The following ASB10 variants were observed in gnomAD, a reference collection of about 807,000 sequenced individuals.
ASB10 encodes ankyrin repeat and SOCS box protein 10.
Under a neutral mutation model 35.4 loss-of-function variants are expected in ASB10, and 44 were observed. The ratio of observed to expected loss-of-function variants is 1.24; its 90% CI spans 0.98 to 1.60. ASB10 has a LOEUF of 1.60. Among genes scored for constraint, ASB10 ranks in the 40% most tolerant of loss-of-function variants. ASB10 has a pLI of 0.00. For synonymous variants in ASB10, 294 were observed against 280.4 expected (o/e 1.05, Z -0.49); for missense variants, 647 against 634.3 (o/e 1.02, Z -0.22).
chr7:151,178,124 C>CT (rs1801422911), intron 3 of ASB10, among the ~76,000 whole-genome samples: 1 of 152,316 alleles, frequency 6.6e-6, no homozygotes, highest in Middle Eastern at 3.4e-3. Flanking sequence ...TGGCATGCAC[C>CT]TTTAATCCCA....
At chr7:151,187,379 G>A (rs1801621538), upstream of ASB10, 1 of 1,545,288 alleles carries the variant, frequency 6.5e-7, no homozygotes. The surrounding 1 kb of genome is among the most constrained non-coding windows in gnomAD (Gnocchi z 5.3). Flanking sequence ...TTTCACTCAA[G>A]CCCTTAGGAC....
intron 1 of ASB10, 55 bp downstream of exon 1, chr7:151,186,760 C>T (rs1344699561): frequency 2.0e-6 from 3 of 1,533,624 alleles, no homozygotes; most frequent in Admixed American, 2.0e-5. Flanking sequence ...GCCCAGAGCT[C>T]CATCTGCAGC....
At chr7:151,184,365 A>C (rs1425867239) in intron 2 of ASB10, among the ~76,000 whole-genome samples, 1 of 151,602 alleles carries the variant, frequency 6.6e-6, no homozygotes, top group Non-Finnish European at 1.5e-5. Flanking sequence ...GTGAGCCGAT[A>C]TCACGCCACT....
At chr7:151,181,715 C>A (rs191988673) in intron 2 of ASB10, among the ~76,000 whole-genome samples, 11 of 151,658 alleles carry the variant, frequency 7.3e-5, no homozygotes, top group African/African-American at 2.2e-4. Flanking sequence ...CGGGTTCAAG[C>A]GATTCTCCTG....
chr7:151,180,572 C>T (rs1055395149), intron 3 of ASB10, among the ~76,000 whole-genome samples: 5 of 152,158 alleles, frequency 3.3e-5, no homozygotes, highest in Admixed American at 6.5e-5. Context: ...TTAAACAACG[C>T]CCACCACCCA....
intron 3 of ASB10, among the ~76,000 whole-genome samples, chr7:151,177,677 G>A (rs1283305770): frequency 6.6e-6 from 1 of 152,208 alleles, no homozygotes. Context: ...AGAGCCTGGA[G>A]GGTATTCAGG....
In ASB10 at chr7:151,186,410, C is replaced by T. The variant is rs889566543; in HGVS notation, c.566G>A (p.Arg189Gln). 27 of 1,586,888 alleles carry T rather than the reference C, an allele frequency of 1.7e-5. No homozygotes were observed. The highest frequency in any genetic ancestry group is 3.4e-5 in the South Asian group (3 of 87,056). Reference protein sequence around the residue: ...QDGKRPLHLCRGPGTLECAEL... With the variant: ...QDGKRPLHLCQGPGTLECAEL... ...CACTCACTCAAGGGTGCCAGGCCCC[C>T]GGCAGAGATGCAGGGGGCGTTTCCC... The change falls in exon 2 of 6, where the codon CGG becomes CAG. Residue 189 changes from arginine to glutamine, a missense_variant. Coordinates refer to ENST00000420175, the MANE Select transcript of ASB10 (RefSeq NM_001142459.2).
At position 151,186,798 on chromosome 7, in the gene ASB10, A is replaced by G. The variant is rs771132264; in HGVS notation, c.316+17T>C. 1.3e-5 allele frequency: 20 copies of G among 1,562,516 alleles called. No homozygotes were observed. The East Asian group carries it at 4.1e-4, about 32-fold the overall frequency. ...CCCCTCTCTCCCACTGAGAGCCCCCAGTGCCCCGGCCCGTACTCAGAGCAC... is the reference window on the plus strand; with the variant it reads ...CCCCTCTCTCCCACTGAGAGCCCCCGGTGCCCCGGCCCGTACTCAGAGCAC... On this transcript the variant is annotated intron_variant, in intron 1 of 5. Transcript: ENST00000420175.
Position 151,187,239 on chromosome 7 carries a change from C to T in ASB10, c.-109G>A, listed in dbSNP as rs746224681. 2.3e-5 allele frequency: 35 copies of T among 1,526,328 alleles called. No individual in the cohort carries two copies. The highest frequency in any genetic ancestry group is 6.3e-5 in the South Asian group (5 of 78,852). 94.5% of individuals were successfully genotyped at this position (1,526,328 alleles called of 1,614,324 possible). A position where few individuals can be genotyped will look rare whatever the true frequency, so the allele number is the denominator to read the frequency against. On this transcript the variant is annotated 5_prime_UTR_variant, in exon 1 of 6. The change creates a new upstream start codon in the 5' untranslated region. Transcript: ENST00000420175. The surrounding 1 kb of genome is among the most constrained non-coding windows in gnomAD (Gnocchi z 5.3). ...ACAGACAGAAGGCCCCTGTGTCCCA[C>T]GCTCCGAGGCTGACCTGGCCACGCA...
chr7:151,184,635 A>G (rs1005733182), intron 2 of ASB10, among the ~76,000 whole-genome samples: 2 of 152,094 alleles, frequency 1.3e-5, no homozygotes, highest in African/African-American at 4.8e-5. Context: ...TTAGAATTTC[A>G]GTTTGGGAAG....
intron 2 of ASB10, 86 bp from the exon 3 acceptor site, chr7:151,181,544 C>A: frequency 6.9e-7 from 1 of 1,453,580 alleles, no homozygotes; most frequent in African/African-American, 1.4e-5. Context: ...TTCTGTCTCC[C>A]CCCACCCACC....
intron 3 of ASB10, 45 bp from the exon 4 acceptor site, chr7:151,176,721 G>A (rs1801396956): frequency 7.5e-7 from 1 of 1,329,280 alleles, no homozygotes; most frequent in East Asian, 2.5e-5. Flanking sequence ...AGTCCACACA[G>A]TGACCAGACA....
In ASB10 at chr7:151,186,843, C is replaced by A; in HGVS notation, c.288G>T (p.Arg96Ser). The change falls in exon 1 of 6, where the codon AGG becomes AGT. Residue 96 changes from arginine (R) to serine (S), a missense_variant. Coordinates refer to ENST00000420175, the MANE Select transcript of ASB10 (RefSeq NM_001142459.2). ...VFDTSDPERW[R>S]DFRFNIRALR... ...GAGCACGGATGTTGAAGCGGAAATC[C>A]CTCCATCGCTCTGGGTCGCTGGTAT... 1 of 1,606,522 alleles carries A rather than the reference C, an allele frequency of 6.2e-7. No homozygotes were observed. The highest frequency in any genetic ancestry group is 8.5e-7 in the Non-Finnish European group (1 of 1,174,824).
At chr7:151,177,187 T>C (rs556142926) in intron 3 of ASB10, among the ~76,000 whole-genome samples, 1 of 152,264 alleles carries the variant, frequency 6.6e-6, no homozygotes, top group Non-Finnish European at 1.5e-5. Flanking sequence ...CTTCATTTGA[T>C]CCAGGAAGCC....
chr7:151,176,670 C>T lies in ASB10; in HGVS notation c.1111G>A (p.Glu371Lys), dbSNP rs1563565051. The T allele has an allele frequency of 6.4e-7, 1 of 1,550,454 alleles. No homozygotes were observed. Among genetic ancestry groups the T allele is most frequent in the Non-Finnish European group, 8.7e-7 (1 of 1,146,092 alleles). Residue 371 changes from glutamate to lysine, a missense_variant, in exon 4 of 6, where the codon GAG becomes AAG. By Grantham distance (56) the Glu-to-Lys change is moderately conservative (BLOSUM62 1). Coordinates refer to ENST00000420175, the MANE Select transcript of ASB10 (RefSeq NM_001142459.2). The stretch of plus-strand genomic sequence containing the variant: ...GTCCGAGGGCACGTGCTCCAGCGCT[C>T]CAGCACCTGTGGGAGGCAGAGGCAT... The part of the protein sequence containing the change: ...VWPGALPKVL[E>K]RWSTCPRTIE...
At position 151,181,015 on chromosome 7, in the gene ASB10, G is replaced by GC; in HGVS notation, c.1027dup (p.Ala343GlyfsTer61). On this transcript the variant is annotated frameshift_variant, in exon 3 of 6. Transcript: ENST00000420175. LOFTEE classifies it high-confidence loss of function. ...CCGAACCACGTGCTCGGGGCTCTGGGCCAGGGCTGCAGCTGGGCCCTGCAG... is the reference window on the plus strand; with the variant it reads ...CCGAACCACGTGCTCGGGGCTCTGGGCCCAGGGCTGCAGCTGGGCCCTGCAG... The GC allele has an allele frequency of 6.2e-7, 1 of 1,605,524 alleles. No homozygotes were observed. The highest frequency in any genetic ancestry group is 8.5e-7 in the Non-Finnish European group (1 of 1,174,836).
Position 151,186,889 on chromosome 7 carries a change from A to G in ASB10, c.242T>C (p.Leu81Pro). 10 of 1,613,876 alleles carry G rather than the reference A, an allele frequency of 6.2e-6. No homozygotes were observed. The highest frequency in any genetic ancestry group is 6.8e-6 in the Non-Finnish European group (8 of 1,179,924). The part of the protein sequence containing the change: ...SRILADSSTG[L>P]APDSVFDTSD... ...GGTATCAAAGACGGAATCAGGAGCCAGGCCAGTACTGGAGTCCGCGAGGAT... is the reference window on the plus strand; with the variant it reads ...GGTATCAAAGACGGAATCAGGAGCCGGGCCAGTACTGGAGTCCGCGAGGAT... Residue 81 changes from leucine (L) to proline (P), a missense_variant, in exon 1 of 6, where the codon CTG becomes CCG. Leu to Pro is a moderately conservative substitution (Grantham distance 98, BLOSUM62 -3). Transcript: ENST00000420175.
chr7:151,181,334 G>C lies in ASB10; in HGVS notation c.709C>G (p.Arg237Gly), dbSNP rs61735708. 7.0e-3 allele frequency: 11,294 copies of C among 1,613,200 alleles called. 56 individuals are homozygous for C. The highest frequency in any genetic ancestry group is 8.3e-3 in the Non-Finnish European group (9,792 of 1,179,968). The change falls in exon 3 of 6, where the codon CGG becomes GGG. Residue 237 changes from arginine to glycine, a missense_variant. Arg to Gly is a moderately radical substitution (Grantham distance 125). Transcript: ENST00000420175. ...HVELADLLLR[R>G]GACPDARNAE... ...TTGCGGGCATCAGGACATGCCCCCC[G>C]TCTTAGAAGCAGATCTGCCAGCTCC...
At position 151,181,304 on chromosome 7, in the gene ASB10, C is replaced by T. The variant is rs764009407; in HGVS notation, c.739G>A (p.Glu247Lys). Reference sequence around the variant, plus strand: ...GCAGCCAGCAGTGGGGTCCAGCCTTCGGCATTGCGGGCATCAGGACATGCC... The same window carrying T: ...GCAGCCAGCAGTGGGGTCCAGCCTTTGGCATTGCGGGCATCAGGACATGCC... ...RGACPDARNA[E>K]GWTPLLAACD... Residue 247 changes from glutamate (E) to lysine (K), a missense_variant, in exon 3 of 6, where the codon GAA (glutamate) becomes AAA (lysine). Glu to Lys is a moderately conservative substitution (Grantham distance 56). Transcript: ENST00000420175. 9.3e-6 allele frequency: 15 copies of T among 1,613,118 alleles called. No homozygotes were observed. Among genetic ancestry groups the T allele is most frequent in the Admixed American group, 3.3e-5 (2 of 60,008 alleles).
Sources: allele counts gnomAD v4.1 joint callset (sites outside exome capture counted in the v4.1 genomes callset), GRCh38; gene constraint gnomAD v4.1.1; non-coding constraint Gnocchi (gnomAD v3.1); transcripts MANE v1.5; gene names NCBI Gene and HGNC (gene_info 2026-07-23, HGNC 2026-07-21).